AGBL1: variants seen among roughly 807,000 people sequenced by gnomAD.
AGBL1 encodes the protein AGBL carboxypeptidase 1, also known as cytosolic carboxypeptidase 4.
Under a neutral mutation model 118.9 loss-of-function variants are expected in AGBL1, and 130 were observed. That is an observed-to-expected ratio of 1.09 (90% CI 0.95 to 1.26). The LOEUF is 1.26. AGBL1 is among the 50% of genes most tolerant of loss of function. The probability of loss-of-function intolerance (pLI) is 0.00; values close to 1 mark genes in which losing one functional copy is unlikely to be tolerated. For synonymous variants in AGBL1, 555 were observed against 478.9 expected (o/e 1.16, Z -2.08); for missense variants, 1,584 against 1,298.1 (o/e 1.22, Z -3.38).
chr15:86,305,349 T>C (rs1200305656), intron 17 of AGBL1, among the ~76,000 whole-genome samples: 1 of 152,102 alleles, frequency 6.6e-6, no homozygotes, highest in South Asian at 2.1e-4. Context: ...AGATTCAAGA[T>C]AGTGATTCCA....
At chr15:86,512,755 A>G (rs2083068222) in intron 18 of AGBL1, among the ~76,000 whole-genome samples, 1 of 151,840 alleles carries the variant, frequency 6.6e-6, no homozygotes, top group African/African-American at 2.4e-5. Context: ...GAATTAAAAC[A>G]AAGTTTTTAA....
At chr15:86,123,279 G>T (rs540161779) in intron 1 of AGBL1, among the ~76,000 whole-genome samples, 1 of 152,144 alleles carries the variant, frequency 6.6e-6, no homozygotes, top group South Asian at 2.1e-4. Context: ...TTGCTCTGTT[G>T]CCCACACTGG....
intron 22 of AGBL1, among the ~76,000 whole-genome samples, chr15:86,779,408 AT>A (rs1221290288): frequency 6.6e-6 from 1 of 152,226 alleles, no homozygotes; most frequent in Non-Finnish European, 1.5e-5. Flanking sequence ...ACAGTATTCC[AT>A]TGTGTGAATA....
At chr15:86,167,281 C>T (rs1414442849) in intron 5 of AGBL1, among the ~76,000 whole-genome samples, 1 of 151,180 alleles carries the variant, frequency 6.6e-6, no homozygotes, top group African/African-American at 2.4e-5. Flanking sequence ...AGTCTCACTC[C>T]GTTGCCCAGG....
intron 17 of AGBL1, among the ~76,000 whole-genome samples, chr15:86,374,908 AT>A (rs1461992270): frequency 6.6e-6 from 1 of 152,214 alleles, no homozygotes; most frequent in Non-Finnish European, 1.5e-5. Context: ...CACATTCATC[AT>A]GAGCTGTCTT....
chr15:86,585,331 G>C (rs953877861), intron 21 of AGBL1, among the ~76,000 whole-genome samples: 2 of 151,970 alleles, frequency 1.3e-5, no homozygotes, highest in African/African-American at 4.8e-5. Context: ...AAGGAGCGAA[G>C]GTAAAATCAG....
At chr15:86,172,841 T>C (rs2077434001) in intron 5 of AGBL1, among the ~76,000 whole-genome samples, 1 of 152,226 alleles carries the variant, frequency 6.6e-6, no homozygotes. Context: ...ATATACTGAT[T>C]TCCTTTCTTT....
chr15:86,622,396 A>G (rs2084823973), intron 21 of AGBL1, among the ~76,000 whole-genome samples: 1 of 151,942 alleles, frequency 6.6e-6, no homozygotes, highest in Non-Finnish European at 1.5e-5. Context: ...TTTTCAGTCT[A>G]TAAATATTTA....
intron 5 of AGBL1, among the ~76,000 whole-genome samples, chr15:86,199,859 C>T (rs1034134681): frequency 3.9e-5 from 6 of 152,148 alleles, no homozygotes; most frequent in African/African-American, 1.4e-4. Context: ...CTGAAAGTGA[C>T]AAAAAGTCAC....
intron 21 of AGBL1, 62 bp downstream of exon 21, chr15:86,554,599 C>T (rs2083707287): frequency 2.1e-5 from 29 of 1,351,026 alleles, no homozygotes; most frequent in Non-Finnish European, 2.7e-5. Context: ...AAATTATAGA[C>T]AGCTCGTACC....
At chr15:86,714,181 A>G (rs925761473) in intron 22 of AGBL1, among the ~76,000 whole-genome samples, 1 of 152,142 alleles carries the variant, frequency 6.6e-6, no homozygotes, top group African/African-American at 2.4e-5. Context: ...TTATGAGGCA[A>G]TGATAAGGGG....
In AGBL1 at chr15:86,594,242, G is replaced by C. The variant is rs189123301; in HGVS notation, c.2994+39705G>C. On this transcript the variant is annotated intron_variant, in intron 21 of 22. Transcript: ENST00000614907. ...GATTTTTAAACCAAGCTTGCATCCC[G>C]GGGATAAAACATATTTGTTCATGAT... 2.6e-5 allele frequency among the ~76,000 whole-genome samples: 4 copies of C among 151,940 alleles called. No individual in the cohort carries two copies. The East Asian group carries it at 7.7e-4, about 29-fold the overall frequency.
intron 17 of AGBL1, among the ~76,000 whole-genome samples, chr15:86,348,798 A>AAAG (rs1406379244): frequency 7.2e-5 from 10 of 138,826 alleles, no homozygotes; most frequent in Non-Finnish European, 1.4e-4. Flanking sequence ...AAAAAAAAAA[A>AAAG]GCAGAGAGGA....
At chr15:86,457,705 T>C (rs1308825994) in intron 18 of AGBL1, among the ~76,000 whole-genome samples, 1 of 152,214 alleles carries the variant, frequency 6.6e-6, no homozygotes, top group African/African-American at 2.4e-5. Context: ...AGTCACATTA[T>C]ATAGGATGAT....
intron 18 of AGBL1, among the ~76,000 whole-genome samples, chr15:86,471,801 G>A (rs982497222): frequency 1.3e-5 from 2 of 152,134 alleles, no homozygotes. Flanking sequence ...GATGTAGTAG[G>A]TCGAATGGTG....
chr15:86,433,150 C>A (rs1307864502), intron 18 of AGBL1, among the ~76,000 whole-genome samples: 1 of 151,980 alleles, frequency 6.6e-6, no homozygotes, highest in African/African-American at 2.4e-5. Context: ...GAAGCCACTT[C>A]CTGGCCTTAA....
chr15:86,763,311 T>A (rs752499523), intron 22 of AGBL1, among the ~76,000 whole-genome samples: 4 of 152,048 alleles, frequency 2.6e-5, no homozygotes, highest in African/African-American at 7.2e-5. Flanking sequence ...TATTTGTGGG[T>A]TCTCAGGATG....
intron 18 of AGBL1, among the ~76,000 whole-genome samples, chr15:86,512,708 G>A (rs1305162975): frequency 6.6e-6 from 1 of 151,566 alleles, no homozygotes; most frequent in Non-Finnish European, 1.5e-5. Context: ...TTGTCACTTT[G>A]CCTTGAATCC....
chr15:86,570,318 A>G (rs1287537232), intron 21 of AGBL1, among the ~76,000 whole-genome samples: 1 of 152,238 alleles, frequency 6.6e-6, no homozygotes, highest in Non-Finnish European at 1.5e-5. Context: ...AAGGAATTCA[A>G]GGATGAGTCA....
Sources: gnomAD v4.1 joint callset for allele counts (sites outside exome capture counted in the v4.1 genomes callset) on GRCh38, gnomAD v4.1.1 for gene constraint, MANE v1.5 for transcripts, NCBI Gene and HGNC (gene_info 2026-07-23, HGNC 2026-07-21) for gene names.